The following SSBP2 variants were observed in gnomAD, a reference collection of about 807,000 sequenced individuals.
The protein encoded by SSBP2 is single stranded DNA binding protein 2.
SSBP2 carries 17 observed loss-of-function variants against 61.8 expected under a neutral mutation model. The ratio of observed to expected loss-of-function variants is 0.28; its 90% CI spans 0.19 to 0.41. SSBP2 has a LOEUF of 0.41. Ranked by LOEUF, SSBP2 falls within the 10% of genes least tolerant of loss-of-function variation. SSBP2 has a pLI of 1.00. For synonymous variants in SSBP2, 139 were observed against 141.3 expected (o/e 0.98, Z 0.12); for missense variants, 310 against 458.7 (o/e 0.68, Z 2.96).
intron 9 of SSBP2, among the ~76,000 whole-genome samples, chr5:81,464,666 G>C (rs1237022177): frequency 6.6e-6 from 1 of 152,002 alleles, no homozygotes; most frequent in Non-Finnish European, 1.5e-5. Context: ...ACAAGCTAAA[G>C]AAAAATTATC....
rs541254339 is a variant in SSBP2 at position 81,674,748 on chromosome 5, C to CCCTTTCAATTGTCAA, written c.63-24410_63-24409insTTGACAATTGAAAGG. 4.0e-3 allele frequency among the ~76,000 whole-genome samples: 611 copies of CCCTTTCAATTGTCAA among 152,192 alleles called. 4 individuals are homozygous for CCCTTTCAATTGTCAA. The highest frequency in any genetic ancestry group is 0.014 in the African/African-American group (596 of 41,530). On this transcript the variant is annotated intron_variant, in intron 1 of 16. Coordinates refer to ENST00000320672, the MANE Select transcript of SSBP2 (RefSeq NM_012446.5). ...AAACGGTTGAAAGGGATAAATTACA[C>CCCTTTCAATTGTCAA]TAATATTGACAATTACAAAGTCATC...
chr5:81,659,013 T>C (rs1042362762), intron 1 of SSBP2, among the ~76,000 whole-genome samples: 2 of 152,124 alleles, frequency 1.3e-5, no homozygotes, highest in African/African-American at 4.8e-5. Flanking sequence ...ATGGAACATA[T>C]CTCAAAATAA....
chr5:81,649,648 A>G (rs969783267), intron 2 of SSBP2, among the ~76,000 whole-genome samples: 11 of 152,060 alleles, frequency 7.2e-5, no homozygotes, highest in Admixed American at 3.3e-4. Flanking sequence ...GGGGAACATG[A>G]ATGGAAAAAC....
chr5:81,472,702 C>T (rs530429287), intron 8 of SSBP2, among the ~76,000 whole-genome samples: 2 of 152,054 alleles, frequency 1.3e-5, no homozygotes, highest in Admixed American at 6.6e-5. Context: ...CAGGTTTAAG[C>T]GATTCTTCTG....
At chr5:81,561,180 T>C (rs1270297597) in intron 4 of SSBP2, among the ~76,000 whole-genome samples, 1 of 152,186 alleles carries the variant, frequency 6.6e-6, no homozygotes, top group African/African-American at 2.4e-5. Context: ...CCCAAGAATG[T>C]TTCTTTTTTG....
At chr5:81,533,146 G>C (rs1401667271) in intron 4 of SSBP2, among the ~76,000 whole-genome samples, 1 of 151,714 alleles carries the variant, frequency 6.6e-6, no homozygotes, top group East Asian at 1.9e-4. Flanking sequence ...CATAAAACAA[G>C]TCTCAATAAA....
chr5:81,606,501 T>C (rs964144944), intron 4 of SSBP2, among the ~76,000 whole-genome samples: 6 of 152,160 alleles, frequency 3.9e-5, no homozygotes, highest in Admixed American at 2.6e-4. Context: ...CCAGACAAGA[T>C]AGAAATTAAG....
intron 2 of SSBP2, among the ~76,000 whole-genome samples, chr5:81,644,781 CA>C (rs1363120589): frequency 2.0e-5 from 3 of 152,070 alleles, no homozygotes; most frequent in Admixed American, 1.3e-4. Flanking sequence ...ACCTACAGTA[CA>C]AGAACCCTAA....
chr5:81,623,053 T>C (rs74492066), intron 3 of SSBP2, among the ~76,000 whole-genome samples: 1 of 151,716 alleles, frequency 6.6e-6, no homozygotes, highest in Admixed American at 6.6e-5. Flanking sequence ...AACCCGTAGA[T>C]AAGGATACAG....
intron 4 of SSBP2, among the ~76,000 whole-genome samples, chr5:81,581,816 G>T (rs555100668): frequency 2.0e-5 from 3 of 152,132 alleles, no homozygotes; most frequent in South Asian, 2.1e-4. Flanking sequence ...AGATGAAAAG[G>T]TCACATAATT....
chr5:81,616,861 G>C (rs1292300712), intron 3 of SSBP2, among the ~76,000 whole-genome samples: 1 of 152,104 alleles, frequency 6.6e-6, no homozygotes, highest in Non-Finnish European at 1.5e-5. Flanking sequence ...TCACACAGCC[G>C]GGTACTCCAA....
At chr5:81,747,390 T>C (rs1330044509) in intron 1 of SSBP2, among the ~76,000 whole-genome samples, 1 of 152,098 alleles carries the variant, frequency 6.6e-6, no homozygotes, top group Non-Finnish European at 1.5e-5. Flanking sequence ...TTAGTTTTCA[T>C]ATTTCTTTAA....
At chr5:81,601,240 T>A (rs1744332274) in intron 4 of SSBP2, among the ~76,000 whole-genome samples, 1 of 152,200 alleles carries the variant, frequency 6.6e-6, no homozygotes, top group Non-Finnish European at 1.5e-5. Context: ...CCATTTTTTC[T>A]ACGTGTATCT....
At chr5:81,549,832 T>C (rs756650316) in intron 4 of SSBP2, among the ~76,000 whole-genome samples, 1 of 152,232 alleles carries the variant, frequency 6.6e-6, no homozygotes, top group Non-Finnish European at 1.5e-5. Flanking sequence ...AAGGTGATAA[T>C]TACTGATCAT....
In SSBP2 at chr5:81,448,898, T is replaced by C. The variant is rs1763583477; in HGVS notation, c.688-73A>G. On this transcript the variant is annotated intron_variant, in intron 10 of 16. Coordinates refer to ENST00000320672, the MANE Select transcript of SSBP2 (RefSeq NM_012446.5). ...GGACACTGACCTAAAATGAATTTAT[T>C]TCATGATTTTTTGTCAAGTTTTAAA... 1.1e-5 allele frequency: 13 copies of C among 1,205,048 alleles called. No individual in the cohort carries two copies. The South Asian group carries it at 1.7e-4, about 16-fold the overall frequency. 74.6% of individuals were successfully genotyped at this position (1,205,048 alleles called of 1,614,324 possible).
chr5:81,698,290 CTA>C (rs1753726173), intron 1 of SSBP2, among the ~76,000 whole-genome samples: 1 of 152,098 alleles, frequency 6.6e-6, no homozygotes, highest in Non-Finnish European at 1.5e-5. Flanking sequence ...GATTGTGATG[CTA>C]TGTGTACTAC....
rs1407044876 is a variant in SSBP2, at chr5:81,653,832, A to G, written c.63-3493T>C. The stretch of plus-strand genomic sequence containing the variant: ...TATTTAAGTTCTTTGTAGATTCTAT[A>G]TATTAGCCCTTTGTCAGATGGATAG... On this transcript the variant is annotated intron_variant, in intron 1 of 16. Coordinates refer to ENST00000320672, the MANE Select transcript of SSBP2 (RefSeq NM_012446.5). Among the ~76,000 whole-genome samples the G allele has an allele frequency of 3.9e-5, 6 of 152,088 alleles. No homozygotes were observed. The East Asian group carries it at 1.2e-3, about 29-fold the overall frequency.
At chr5:81,452,666 A>C (rs1226313892) in intron 10 of SSBP2, among the ~76,000 whole-genome samples, 1 of 152,178 alleles carries the variant, frequency 6.6e-6, no homozygotes, top group Admixed American at 6.5e-5. Flanking sequence ...TAGGTTTTCA[A>C]CGTGGTGACT....
intron 4 of SSBP2, among the ~76,000 whole-genome samples, chr5:81,593,538 G>A (rs1250777998): frequency 6.6e-6 from 1 of 152,176 alleles, no homozygotes; most frequent in Non-Finnish European, 1.5e-5. Flanking sequence ...ACACATCACT[G>A]TCAGATTCAC....
Sources: allele counts gnomAD v4.1 joint callset (sites outside exome capture counted in the v4.1 genomes callset), GRCh38; gene constraint gnomAD v4.1.1; transcripts MANE v1.5; gene names NCBI Gene and HGNC (gene_info 2026-07-23, HGNC 2026-07-21).